AUTS2: variants seen among roughly 807,000 people sequenced by gnomAD.
AUTS2 encodes activator of transcription and developmental regulator AUTS2.
In AUTS2, 17 loss-of-function variants were observed where a neutral mutation model predicts 112.4. The observed-to-expected ratio is 0.15, with a 90% confidence interval of 0.10 to 0.23. AUTS2 has a LOEUF of 0.23. AUTS2 is among the 10% of genes least tolerant of loss of function. AUTS2 has a pLI of 1.00. For missense variants in AUTS2, 1,510 were observed against 1,701.6 expected, an observed-to-expected ratio of 0.89 and a Z score of 1.98; for synonymous variants, 751 against 702.7, an observed-to-expected ratio of 1.07 and a Z score of -1.09.
intron 4 of AUTS2, among the ~76,000 whole-genome samples, chr7:70,319,645 G>T (rs1790159783): frequency 6.6e-6 from 1 of 152,116 alleles, no homozygotes; most frequent in Non-Finnish European, 1.5e-5. Flanking sequence ...AACCTCAAAG[G>T]GTGTATTTTC....
rs79370592 is a variant in AUTS2, at chr7:70,077,382, T to C, written c.523-40750T>C. ...ACCCAGATGTTTTGAGTCTCCTGCC[T>C]TGTTTATATGGTTGAAATGCTGACT... On this transcript the variant is annotated intron_variant, in intron 2 of 18. Transcript: ENST00000342771. Among the ~76,000 whole-genome samples the C allele has an allele frequency of 3.2e-3, 492 of 152,310 alleles. 1 individual carries two copies. The highest frequency in any genetic ancestry group is 0.01 in the Middle Eastern group (3 of 294).
chr7:70,180,156 C>T (rs1809219944), intron 4 of AUTS2, among the ~76,000 whole-genome samples: 3 of 152,106 alleles, frequency 2.0e-5, no homozygotes, highest in Admixed American at 1.3e-4. Context: ...AAATACCAGC[C>T]TAATAAACTT....
intron 1 of AUTS2, among the ~76,000 whole-genome samples, chr7:69,814,582 G>A (rs768226526): frequency 5.3e-5 from 8 of 152,216 alleles, no homozygotes; most frequent in Admixed American, 1.3e-4. Context: ...GTCTGGAGCC[G>A]CTCTAACCCA....
intron 2 of AUTS2, among the ~76,000 whole-genome samples, chr7:70,060,803 G>A (rs1802210871): frequency 6.6e-6 from 1 of 152,132 alleles, no homozygotes; most frequent in South Asian, 2.1e-4. Context: ...AGGCAGCGGT[G>A]GGGCTAAGGC....
chr7:70,304,356 A>T lies in AUTS2; in HGVS notation c.661-131396A>T, dbSNP rs560810572. Among the ~76,000 whole-genome samples, 43 of 152,322 alleles carry T rather than the reference A, an allele frequency of 2.8e-4. 1 individual carries two copies. In the South Asian group the frequency reaches 8.9e-3, roughly 32 times the overall value. ...TTTCAGATTTCACCAGCTTTTATTG[A>T]TACTTCAGCATTTTACTTAGTCGAT... On this transcript the variant is annotated intron_variant, in intron 4 of 18. Coordinates refer to ENST00000342771, the MANE Select transcript of AUTS2 (RefSeq NM_015570.4).
At chr7:70,426,728 T>C (rs1262428339) in intron 4 of AUTS2, among the ~76,000 whole-genome samples, 1 of 152,200 alleles carries the variant, frequency 6.6e-6, no homozygotes, top group Non-Finnish European at 1.5e-5. Flanking sequence ...TCTATTAGCA[T>C]GTTCCATTTG....
chr7:70,023,736 T>G (rs1398517413), intron 2 of AUTS2, among the ~76,000 whole-genome samples: 14 of 151,822 alleles, frequency 9.2e-5, no homozygotes, highest in Non-Finnish European at 1.8e-4. Flanking sequence ...AGCAAAGGAG[T>G]CTCTCCTCTG....
chr7:69,841,731 T>C (rs904613486), intron 1 of AUTS2, among the ~76,000 whole-genome samples: 2 of 152,172 alleles, frequency 1.3e-5, no homozygotes, highest in Non-Finnish European at 2.9e-5. Context: ...AGTGTACAAA[T>C]CTTGATGGGA....
intron 1 of AUTS2, among the ~76,000 whole-genome samples, chr7:69,861,332 A>G (rs1301148102): frequency 6.6e-5 from 10 of 152,306 alleles, no homozygotes; most frequent in African/African-American, 2.2e-4. Flanking sequence ...GGTTGGGAAA[A>G]TAGGGAGGAT....
intron 1 of AUTS2, among the ~76,000 whole-genome samples, chr7:69,688,380 T>C (rs1011635914): frequency 6.6e-6 from 1 of 152,262 alleles, no homozygotes; most frequent in African/African-American, 2.4e-5. Context: ...TTCACATTTA[T>C]GATCTAGTTT....
chr7:69,953,696 G>T (rs1797112722), intron 2 of AUTS2, among the ~76,000 whole-genome samples: 1 of 152,168 alleles, frequency 6.6e-6, no homozygotes. Context: ...TAAGCCGTTA[G>T]AAATTCTTTT....
In AUTS2 at chr7:70,176,142, C is replaced by G. The variant is rs143326988; in HGVS notation, c.660+41571C>G. On this transcript the variant is annotated intron_variant, in intron 4 of 18. Transcript: ENST00000342771. ...GATGAATTTTTGCAGGTATTCTCTT[C>G]ACCATAATGAGGTTTCATTAGGGTT... Among the ~76,000 whole-genome samples the G allele has an allele frequency of 5.3e-4, 81 of 152,122 alleles. 1 individual carries two copies. Among genetic ancestry groups the G allele is most frequent in the Non-Finnish European group, 9.0e-4 (61 of 68,030 alleles).
At chr7:69,992,062 A>G (rs531507916) in intron 2 of AUTS2, among the ~76,000 whole-genome samples, 6 of 152,334 alleles carry the variant, frequency 3.9e-5, no homozygotes, top group Middle Eastern at 3.4e-3. Context: ...TCCAAGAGCT[A>G]TGAAGTCTCA....
At chr7:70,596,052 G>C (rs1018545133) in intron 5 of AUTS2, 1 of 152,278 alleles carries the variant, frequency 6.6e-6, no homozygotes, top group African/African-American at 2.4e-5. Flanking sequence ...CCCCGGGCCC[G>C]GGAATAAATT....
chr7:70,370,109 C>T (rs1792772099), intron 4 of AUTS2, among the ~76,000 whole-genome samples: 1 of 152,114 alleles, frequency 6.6e-6, no homozygotes, highest in South Asian at 2.1e-4. Flanking sequence ...GTGGGCTTTC[C>T]AACACAGGCA....
intron 5 of AUTS2, among the ~76,000 whole-genome samples, chr7:70,439,379 A>T (rs982617549): frequency 6.6e-6 from 1 of 152,034 alleles, no homozygotes; most frequent in African/African-American, 2.4e-5. Context: ...CTCTACTAAA[A>T]ATACAAAAAA....
intron 6 of AUTS2, among the ~76,000 whole-genome samples, chr7:70,719,714 A>G (rs1478005177): frequency 2.0e-5 from 3 of 152,158 alleles, no homozygotes; most frequent in Non-Finnish European, 2.9e-5. Flanking sequence ...CACCCGCCTC[A>G]GCCTCCCAAA....
At chr7:69,602,038 ATATGTG>A (rs1382931229) in intron 1 of AUTS2, among the ~76,000 whole-genome samples, 16 of 10,060 alleles carry the variant, frequency 1.6e-3, no homozygotes, top group Admixed American at 5.4e-3. Context: ...ATATATATAT[ATATGTG>A]TGTGTGTGTG....
chr7:70,642,127 A>ATC (rs1207592153), intron 5 of AUTS2, among the ~76,000 whole-genome samples: 1 of 152,218 alleles, frequency 6.6e-6, no homozygotes, highest in Non-Finnish European at 1.5e-5. Context: ...AGCTTTTGCC[A>ATC]TCTTGATAGT....
Sources: allele counts gnomAD v4.1 joint callset (sites outside exome capture counted in the v4.1 genomes callset), GRCh38; gene constraint gnomAD v4.1.1; transcripts MANE v1.5; gene names NCBI Gene and HGNC (gene_info 2026-07-23, HGNC 2026-07-21).